Variants in XKR4 observed in about 807,000 individuals in gnomAD.
XKR4 encodes XK related 4, also known as XK-related protein 4.
A neutral mutation model predicts 53.9 loss-of-function variants in XKR4; 12 were observed. The observed-to-expected ratio is 0.22, with a 90% CI of 0.14 to 0.36. The LOEUF is 0.36. Ranked by LOEUF, XKR4 falls within the 10% of genes least tolerant of loss-of-function variation. XKR4 has a pLI of 1.00. For missense variants in XKR4, 799 were observed against 859.5 expected (o/e 0.93, Z 0.88); for synonymous variants, 354 against 362.4 (o/e 0.98, Z 0.26).
intron 1 of XKR4, among the ~76,000 whole-genome samples, chr8:55,225,487 G>A (rs756671753): frequency 2.6e-5 from 4 of 152,106 alleles, no homozygotes; most frequent in East Asian, 1.9e-4. Context: ...GGTGCTCAGC[G>A]ACCAATGGTC....
At chr8:55,331,489 T>G (rs2129380764) in intron 1 of XKR4, among the ~76,000 whole-genome samples, 1 of 152,244 alleles carries the variant, frequency 6.6e-6, no homozygotes, top group East Asian at 1.9e-4. Context: ...TGTTCAAATC[T>G]TCTATTTCCT....
At chr8:55,217,696 A>G (rs932567449) in intron 1 of XKR4, among the ~76,000 whole-genome samples, 2 of 152,190 alleles carry the variant, frequency 1.3e-5, no homozygotes, top group African/African-American at 4.8e-5. Context: ...AGGTAAGTAT[A>G]ATATCCTTTT....
chr8:55,133,431 G>A (rs1196140022), intron 1 of XKR4, among the ~76,000 whole-genome samples: 2 of 152,128 alleles, frequency 1.3e-5, no homozygotes, highest in South Asian at 2.1e-4. Context: ...CCACACACTC[G>A]GTTCTGTTGG....
intron 1 of XKR4, among the ~76,000 whole-genome samples, chr8:55,236,167 G>A (rs1280877923): frequency 6.6e-6 from 1 of 152,176 alleles, no homozygotes; most frequent in East Asian, 1.9e-4. Context: ...ACACCAGTGT[G>A]GAACTAATGA....
chr8:55,402,246 C>A (rs567157794), intron 2 of XKR4, among the ~76,000 whole-genome samples: 81 of 152,336 alleles, frequency 5.3e-4, no homozygotes, highest in Non-Finnish European at 8.5e-4. Context: ...ACTAGGGTAC[C>A]TGCCCCTGCG....
chr8:55,202,813 A>G (rs1817592516), intron 1 of XKR4, among the ~76,000 whole-genome samples: 1 of 152,240 alleles, frequency 6.6e-6, no homozygotes, highest in Admixed American at 6.5e-5. Context: ...CAAAGGCTCA[A>G]AGGCAAACTT....
chr8:55,205,051 G>A (rs979336923), intron 1 of XKR4, among the ~76,000 whole-genome samples: 1 of 152,206 alleles, frequency 6.6e-6, no homozygotes, highest in African/African-American at 2.4e-5. Context: ...AGTTCCCCAG[G>A]AGGCTTTCCA....
intron 1 of XKR4, among the ~76,000 whole-genome samples, chr8:55,116,948 G>A (rs2129351561): frequency 6.6e-6 from 1 of 152,258 alleles, no homozygotes; most frequent in Non-Finnish European, 1.5e-5. Flanking sequence ...ATTGAGATGT[G>A]TTCTAAGTGT....
intron 1 of XKR4, chr8:55,161,466 G>A (rs1816983484): frequency 2.2e-6 from 1 of 451,200 alleles, no homozygotes; most frequent in Non-Finnish European, 4.4e-6. Context: ...AGCACCTGCT[G>A]GGCTGGGCAG....
chr8:55,202,505 G>A (rs538566185), intron 1 of XKR4, among the ~76,000 whole-genome samples: 57 of 152,324 alleles, frequency 3.7e-4, no homozygotes, highest in African/African-American at 1.2e-3. Flanking sequence ...GCCAAGGAGC[G>A]TTAGTTTCCT....
intron 1 of XKR4, among the ~76,000 whole-genome samples, chr8:55,109,812 T>C (rs988981955): frequency 6.6e-6 from 1 of 152,218 alleles, no homozygotes; most frequent in Non-Finnish European, 1.5e-5. Flanking sequence ...CCACAAATCC[T>C]TGGAGCAATA....
chr8:55,373,030 G>A (rs1326994532), intron 2 of XKR4, among the ~76,000 whole-genome samples: 3 of 152,178 alleles, frequency 2.0e-5, no homozygotes, highest in Non-Finnish European at 4.4e-5. Flanking sequence ...GATTGCAGAA[G>A]GACAGGGCCT....
intron 2 of XKR4, among the ~76,000 whole-genome samples, chr8:55,386,967 T>C (rs1261656201): frequency 6.6e-6 from 1 of 152,208 alleles, no homozygotes; most frequent in African/African-American, 2.4e-5. Flanking sequence ...TTGCATAAAA[T>C]ACTATGCAAG....
intron 1 of XKR4, among the ~76,000 whole-genome samples, chr8:55,139,132 C>T (rs756289855): frequency 3.9e-5 from 6 of 152,212 alleles, no homozygotes; most frequent in Non-Finnish European, 7.3e-5. Flanking sequence ...TGTCTGGCTT[C>T]AAACTCTGTT....
chr8:55,309,020 C>T (rs1364178505), intron 1 of XKR4, among the ~76,000 whole-genome samples: 1 of 152,110 alleles, frequency 6.6e-6, no homozygotes, highest in Non-Finnish European at 1.5e-5. Flanking sequence ...AGGAAGAGGC[C>T]ATAAGCCAAG....
At chr8:55,354,753 A>T (rs1006552578) in intron 1 of XKR4, among the ~76,000 whole-genome samples, 1 of 152,096 alleles carries the variant, frequency 6.6e-6, no homozygotes, top group African/African-American at 2.4e-5. Context: ...AATCATAAGC[A>T]AATACCTCTA....
intron 2 of XKR4, among the ~76,000 whole-genome samples, chr8:55,521,707 C>A (rs1806800494): frequency 6.6e-6 from 1 of 152,144 alleles, no homozygotes; most frequent in African/African-American, 2.4e-5. Flanking sequence ...CCTTACTCAA[C>A]GAGGATGTAT....
At chr8:55,166,156 G>C (rs1585915391) in intron 1 of XKR4, among the ~76,000 whole-genome samples, 1 of 152,286 alleles carries the variant, frequency 6.6e-6, no homozygotes, top group African/African-American at 2.4e-5. Flanking sequence ...CCAAATTGTG[G>C]CCCAATAAAT....
chr8:55,443,733 C>T (rs897955311), intron 2 of XKR4, among the ~76,000 whole-genome samples: 5 of 146,914 alleles, frequency 3.4e-5, no homozygotes, highest in South Asian at 2.2e-4. Context: ...CCCAGCTACT[C>T]GGGAGACTGA....
Sources: allele counts gnomAD v4.1 joint callset (sites outside exome capture counted in the v4.1 genomes callset), GRCh38; gene constraint gnomAD v4.1.1; transcripts MANE v1.5; gene names NCBI Gene and HGNC (gene_info 2026-07-23, HGNC 2026-07-21).